Variants in CCNYL1 observed in about 807,000 individuals in gnomAD.
CCNYL1 encodes the protein cyclin Y like 1.
Under a neutral mutation model 44.2 loss-of-function variants are expected in CCNYL1, and 16 were observed. The observed-to-expected ratio is 0.36, with a 90% CI of 0.25 to 0.55. The LOEUF (loss-of-function observed/expected upper bound fraction) is 0.55, where lower values mean the gene tolerates loss of function less well. Ranked by LOEUF, CCNYL1 falls within the 20% of genes least tolerant of loss-of-function variation. The probability of loss-of-function intolerance (pLI) is 0.85; values close to 1 mark genes in which losing one functional copy is unlikely to be tolerated. For missense variants in CCNYL1, 348 were observed against 451.8 expected, an observed-to-expected ratio of 0.77 and a Z score of 2.08; for synonymous variants, 159 against 163.2, an observed-to-expected ratio of 0.97 and a Z score of 0.20.
intron 8 of CCNYL1, among the ~76,000 whole-genome samples, chr2:207,747,939 C>A (rs1178758126): frequency 6.6e-6 from 1 of 151,958 alleles, no homozygotes; most frequent in Non-Finnish European, 1.5e-5. Context: ...TCATTTATAT[C>A]TTTTCATGTG....
intron 7 of CCNYL1, among the ~76,000 whole-genome samples, chr2:207,743,447 G>A (rs1201063594): frequency 6.6e-6 from 1 of 152,130 alleles, no homozygotes; most frequent in Non-Finnish European, 1.5e-5. Flanking sequence ...ACAGAGAAAG[G>A]TTGCAGAATG....
intron 1 of CCNYL1, among the ~76,000 whole-genome samples, chr2:207,717,696 C>G (rs989174076): frequency 6.7e-4 from 102 of 152,078 alleles, no homozygotes; most frequent in Non-Finnish European, 1.9e-4. Context: ...GGGGTCCACA[C>G]AGACAGTTAC....
chr2:207,742,203 T>C lies in CCNYL1; in HGVS notation c.520-20T>C. 1.9e-6 allele frequency: 3 copies of C among 1,589,462 alleles called. No homozygotes were observed. Among genetic ancestry groups the C allele is most frequent in the East Asian group, 4.5e-5 (2 of 44,710 alleles). On this transcript the variant is annotated intron_variant, in intron 6 of 9. Coordinates refer to ENST00000295414, the MANE Select transcript of CCNYL1 (RefSeq NM_001330218.2). ...TTTTTTCTTCAGTGGATACTAACAT[T>C]GCATCTTTTCTTCTTTCAGCGAGAA...
At chr2:207,746,875 C>T (rs1485271102) in intron 7 of CCNYL1, among the ~76,000 whole-genome samples, 172 bp from the exon 8 acceptor site, 1 of 151,912 alleles carries the variant, frequency 6.6e-6, no homozygotes, top group African/African-American at 2.4e-5. Flanking sequence ...AGTCGGGAGG[C>T]CGAGGCAGGA....
intron 3 of CCNYL1, among the ~76,000 whole-genome samples, chr2:207,727,341 T>C (rs1575212904): frequency 6.6e-6 from 1 of 152,204 alleles, no homozygotes; most frequent in African/African-American, 2.4e-5. Context: ...TACATTGTTA[T>C]GATTATACAG....
chr2:207,723,700 AC>A lies in CCNYL1; in HGVS notation c.221-1096del, dbSNP rs769998605. On this transcript the variant is annotated intron_variant, in intron 1 of 9. Coordinates refer to ENST00000295414, the MANE Select transcript of CCNYL1 (RefSeq NM_001330218.2). Reference sequence around the variant, plus strand: ...AGACGAGCCTGGCCAACATGGTAAAACCCCGTCTCTACTAAAAATACAAAAA... The same window carrying A: ...AGACGAGCCTGGCCAACATGGTAAAACCCGTCTCTACTAAAAATACAAAAA... 1.3e-3 allele frequency among the ~76,000 whole-genome samples: 198 copies of A among 151,996 alleles called. 1 individual carries two copies. The highest frequency in any genetic ancestry group is 1.0e-3 in the Non-Finnish European group (69 of 67,980).
At chr2:207,713,280 G>C (rs1240934847) in intron 1 of CCNYL1, among the ~76,000 whole-genome samples, 1 of 152,200 alleles carries the variant, frequency 6.6e-6, no homozygotes, top group Non-Finnish European at 1.5e-5. Context: ...AAGAGACAAA[G>C]TATAAATTTA....
chr2:207,712,188 A>G, intron 1 of CCNYL1, 72 bp downstream of exon 1: 1 of 1,335,022 alleles, frequency 7.5e-7, no homozygotes, highest in Non-Finnish European at 1.0e-6. Flanking sequence ...GTCCCCCGGG[A>G]GGCATCCGCC....
chr2:207,713,745 C>A (rs530516755), intron 1 of CCNYL1, among the ~76,000 whole-genome samples: 5 of 152,212 alleles, frequency 3.3e-5, no homozygotes, highest in African/African-American at 1.2e-4. Flanking sequence ...ATGGACATGC[C>A]TTTGTAACTA....
chr2:207,743,349 G>A lies in CCNYL1; in HGVS notation c.639+1007G>A, dbSNP rs568935505. Among the ~76,000 whole-genome samples the A allele has an allele frequency of 3.9e-5, 6 of 152,324 alleles. No homozygotes were observed. The East Asian group carries it at 9.6e-4, about 24-fold the overall frequency. Reference sequence around the variant, plus strand: ...ATGTGCCTGTGAGGTAGCAGTGACAGTGTCCAATAATCATTTGAATGTACC... The same window carrying A: ...ATGTGCCTGTGAGGTAGCAGTGACAATGTCCAATAATCATTTGAATGTACC... On this transcript the variant is annotated intron_variant, in intron 7 of 9. Coordinates refer to ENST00000295414, the MANE Select transcript of CCNYL1 (RefSeq NM_001330218.2).
chr2:207,712,178 G>C (rs2091554243), intron 1 of CCNYL1, 62 bp downstream of exon 1: 28 of 1,451,776 alleles, frequency 1.9e-5, no homozygotes, highest in Admixed American at 1.2e-4. Context: ...CTCCCCCAGA[G>C]TCCCCCGGGA....
chr2:207,717,688 G>C (rs979501688), intron 1 of CCNYL1, among the ~76,000 whole-genome samples: 3 of 152,024 alleles, frequency 2.0e-5, no homozygotes, highest in Non-Finnish European at 2.9e-5. Context: ...GAGAGCCAGG[G>C]GTCCACACAG....
Position 207,711,760 on chromosome 2 carries a change from T to A in CCNYL1, c.-137T>A, listed in dbSNP as rs1216286930. On this transcript the variant is annotated 5_prime_UTR_variant, in exon 1 of 10. Coordinates refer to ENST00000295414, the MANE Select transcript of CCNYL1 (RefSeq NM_001330218.2). The stretch of plus-strand genomic sequence containing the variant: ...GGCGAACCGCGGGCGAGGCGGCGTC[T>A]GCTTGCGCGGTGCAGCCCCAGCGTA... 2.1e-6 allele frequency: 1 copy of A among 474,634 alleles called. No individual in the cohort carries two copies. The highest frequency in any genetic ancestry group is 3.7e-5 in the East Asian group (1 of 27,034). 29.4% of individuals were successfully genotyped at this position (474,634 alleles called of 1,614,324 possible).
At chr2:207,717,628 A>T (rs1347516777) in intron 1 of CCNYL1, among the ~76,000 whole-genome samples, 1 of 152,110 alleles carries the variant, frequency 6.6e-6, no homozygotes, top group Non-Finnish European at 1.5e-5. Context: ...TCCTTACGTG[A>T]CCTGTGAGCA....
At chr2:207,736,701 TAATTA>T (rs1479428161) in intron 4 of CCNYL1, among the ~76,000 whole-genome samples, 1 of 152,162 alleles carries the variant, frequency 6.6e-6, no homozygotes, top group East Asian at 1.9e-4. Context: ...AGGTGATAGT[TAATTA>T]AATCAACTGA....
At chr2:207,713,627 C>T (rs906151453) in intron 1 of CCNYL1, among the ~76,000 whole-genome samples, 5 of 152,086 alleles carry the variant, frequency 3.3e-5, no homozygotes, top group African/African-American at 1.2e-4. Flanking sequence ...TCATTTGTTT[C>T]GTATAAATGC....
chr2:207,725,069 C>T (rs1255802130), intron 2 of CCNYL1, among the ~76,000 whole-genome samples, 195 bp downstream of exon 2: 1 of 150,548 alleles, frequency 6.6e-6, no homozygotes, highest in Non-Finnish European at 1.5e-5. Context: ...GACCTATTTA[C>T]AGGTTTTGCC....
chr2:207,722,131 G>A (rs1048449580), intron 1 of CCNYL1, among the ~76,000 whole-genome samples: 1 of 148,498 alleles, frequency 6.7e-6, no homozygotes, highest in African/African-American at 2.5e-5. Context: ...GGGGGGCAGT[G>A]GTGTGATCTT....
chr2:207,747,279 CAATTT>C lies in CCNYL1; in HGVS notation c.806+69_806+73del, dbSNP rs2091861077. The C allele has an allele frequency of 4.4e-6, 6 of 1,359,830 alleles. No homozygotes were observed. In the Admixed American group the frequency reaches 1.3e-4, roughly 31 times the overall value. 84.2% of individuals were successfully genotyped at this position (1,359,830 alleles called of 1,614,324 possible). ...CAGTATCTTATTCCTATAAAGTTAA[CAATTT>C]AAGGAATATTTTTAAAGGTTACATT... On this transcript the variant is annotated intron_variant, in intron 8 of 9. Transcript: ENST00000295414.
Sources: gnomAD v4.1 joint callset for allele counts (sites outside exome capture counted in the v4.1 genomes callset) on GRCh38, gnomAD v4.1.1 for gene constraint, MANE v1.5 for transcripts, NCBI Gene and HGNC (gene_info 2026-07-23, HGNC 2026-07-21) for gene names.